COG8: variants seen among roughly 807,000 people sequenced by gnomAD.
COG8 encodes the protein component of oligomeric golgi complex 8, also known as conserved oligomeric Golgi complex subunit 8.
A neutral mutation model predicts 46.5 loss-of-function variants in COG8; 45 were observed. That is an observed-to-expected ratio of 0.97 (90% CI 0.76 to 1.24). COG8 has a LOEUF of 1.24. Ranked by LOEUF, COG8 falls within the 50% of genes most tolerant of loss-of-function variation. The pLI is 0.00. For synonymous variants in COG8, 407 were observed against 347.8 expected, an observed-to-expected ratio of 1.17 and a Z score of -1.90; for missense variants, 793 against 820.8, an observed-to-expected ratio of 0.97 and a Z score of 0.41.
At chr16:69,330,711 C>A in intron 5 of COG8, 102 bp downstream of exon 5, 1 of 1,408,980 alleles carries the variant, frequency 7.1e-7, no homozygotes, top group Non-Finnish European at 9.3e-7. Flanking sequence ...GCACCGCCCC[C>A]TTCCGCTCTC....
Position 69,328,595 on chromosome 16 carries a change from G to A in COG8, c.*611C>T, listed in dbSNP as rs1176114738. 2.2e-5 allele frequency: 4 copies of A among 180,552 alleles called. No individual in the cohort carries two copies. Among genetic ancestry groups the A allele is most frequent in the South Asian group, 1.1e-4 (1 of 9,356 alleles). The allele number at this position is 180,552 out of a possible 1,614,324, so 11.2% of individuals were successfully genotyped here. A position where few individuals can be genotyped will look rare whatever the true frequency, so the allele number is the denominator to read the frequency against. On this transcript the variant is annotated 3_prime_UTR_variant, in exon 6 of 6. Coordinates refer to ENST00000306875, the MANE Select transcript of COG8 (RefSeq NM_032382.5). ...TGGCGTCTAAGGCCACAAGCCCTCC[G>A]TAAAAATAAGAACTCGGCACAAATG...
At chr16:69,336,886 G>A (rs901840721) in intron 1 of COG8, among the ~76,000 whole-genome samples, 174 bp from the exon 2 acceptor site, 34 of 152,180 alleles carry the variant, frequency 2.2e-4, no homozygotes, top group Non-Finnish European at 2.9e-4. Context: ...TCCCAGAGAG[G>A]TTAAGCAACT....
rs1459641677 is a variant in COG8, at chr16:69,330,870, G to C, written c.1808C>G (p.Thr603Arg). The change falls in exon 5 of 6, where the codon ACG (threonine) becomes AGG (arginine). Residue 603 changes from threonine (T) to arginine (R), a missense_variant. By Grantham distance (71) the Thr-to-Arg change is moderately conservative. Coordinates refer to ENST00000306875, the MANE Select transcript of COG8 (RefSeq NM_032382.5). ...CCCCACGCTGGGCGGTTCGGCCTGC[G>C]TCTCCGCTCGCCCTCCCTCCGGGCA... is the stretch of plus-strand genomic sequence containing the variant. Reference protein sequence around the residue: ...PACPEGGRAETQAEPPSVGP With the variant: ...PACPEGGRAERQAEPPSVGP 5 of 1,544,890 alleles carry C rather than the reference G, an allele frequency of 3.2e-6. No individual in the cohort carries two copies. In the East Asian group the frequency reaches 9.8e-5, roughly 30 times the overall value.
chr16:69,329,316 C>T (rs897738620), intron 5 of COG8, 137 bp from the exon 6 acceptor site: 2 of 903,470 alleles, frequency 2.2e-6, no homozygotes, highest in African/African-American at 3.5e-5. Flanking sequence ...ACAGCAGCTC[C>T]TCTTCTAACT....
rs763879597 is a variant in COG8, at chr16:69,326,446, A to C, written c.*2760T>G. 2.0e-5 allele frequency: 3 copies of C among 152,152 alleles called. No homozygotes were observed. Among genetic ancestry groups the C allele is most frequent in the Non-Finnish European group, 4.4e-5 (3 of 68,028 alleles). 9.4% of individuals were successfully genotyped at this position (152,152 alleles called of 1,614,324 possible). ...ACTTTAGTGAGCTTACAAGTTTTTAAATTTTTACTTCTAGTTACATTTACT... is the reference window on the plus strand; with the variant it reads ...ACTTTAGTGAGCTTACAAGTTTTTACATTTTTACTTCTAGTTACATTTACT... On this transcript the variant is annotated 3_prime_UTR_variant, in exon 6 of 6. Transcript: ENST00000306875.
At position 69,339,500 on chromosome 16, in the gene COG8, A is replaced by G. The variant is rs1223755761; in HGVS notation, c.53T>C (p.Leu18Pro). 1.9e-6 allele frequency: 3 copies of G among 1,606,978 alleles called. No individual in the cohort carries two copies. The highest frequency in any genetic ancestry group is 1.7e-6 in the Non-Finnish European group (2 of 1,179,866). Residue 18 changes from leucine (L) to proline (P), a missense_variant, in exon 1 of 6, where the codon CTC becomes CCC. Transcript: ENST00000306875. ...GAGCCCTTCATCCTCCACCTCGCCG[A>G]GAGCCGCTGCTGTGGCCGTGGCTAC... ...PSVATATAAA[L>P]GEVEDEGLLA...
At position 69,326,489 on chromosome 16, in the gene COG8, T is replaced by C. The variant is rs893562822; in HGVS notation, c.*2717A>G. ...CATTTACTTGAATCAGAACGTTGTT[T>C]CCTCATTCCTACTGCTTAAACACCT... On this transcript the variant is annotated 3_prime_UTR_variant, in exon 6 of 6. Transcript: ENST00000306875. 1 of 152,242 alleles carries C rather than the reference T, an allele frequency of 6.6e-6. No individual in the cohort carries two copies. Among genetic ancestry groups the C allele is most frequent in the Non-Finnish European group, 1.5e-5 (1 of 68,036 alleles). 9.4% of individuals were successfully genotyped at this position (152,242 alleles called of 1,614,324 possible).
At position 69,332,577 on chromosome 16, in the gene COG8, A is replaced by ATC. The variant is rs147136928; in HGVS notation, c.1582+135_1582+136dup. 2.0e-3 allele frequency: 1,773 copies of ATC among 884,230 alleles called. 22 individuals are homozygous for ATC. In the African/African-American group the frequency reaches 0.022, roughly 11 times the overall value. The allele number at this position is 884,230 out of a possible 1,614,324, so 54.8% of individuals were successfully genotyped here. A position where few individuals can be genotyped will look rare whatever the true frequency, so the allele number is the denominator to read the frequency against. On this transcript the variant is annotated intron_variant, in intron 4 of 5. Transcript: ENST00000306875. ...GAATGACTACAAACGTGCATGAAGG[A>ATC]TCTTTTTGGAGTGATGGAAATATTC...
At position 69,334,742 on chromosome 16, in the gene COG8, T is replaced by A. The variant is rs1190115072; in HGVS notation, c.1192A>T (p.Met398Leu). Residue 398 changes from methionine (M) to leucine (L), a missense_variant, in exon 3 of 6, where the codon ATG becomes TTG. Met to Leu is a conservative substitution (Grantham distance 15, BLOSUM62 2). Transcript: ENST00000306875. ...EKFQEEMNSY[M>L]LISAPAILGT... is the part of the protein sequence containing the mutation. ...AGGATGGCTGGAGCCGAGATGAGCATGTAGGAGTTCATTTCTTCCTGGAAT... is the reference window on the plus strand; with the variant it reads ...AGGATGGCTGGAGCCGAGATGAGCAAGTAGGAGTTCATTTCTTCCTGGAAT... 1.2e-6 allele frequency: 2 copies of A among 1,614,008 alleles called. No homozygotes were observed. The highest frequency in any genetic ancestry group is 2.7e-5 in the African/African-American group (2 of 74,934).
In COG8 at chr16:69,327,183, T is replaced by TC. The variant is rs1965619674; in HGVS notation, c.*2022_*2023insG. The TC allele has an allele frequency of 6.8e-6, 1 of 147,554 alleles. No individual in the cohort carries two copies. The highest frequency in any genetic ancestry group is 6.8e-5 in the Admixed American group (1 of 14,778). The allele number at this position is 147,554 out of a possible 1,614,324, so 9.1% of individuals were successfully genotyped here. A position where few individuals can be genotyped will look rare whatever the true frequency, so the allele number is the denominator to read the frequency against. The stretch of plus-strand genomic sequence containing the variant: ...CCCTTTTTTTTTTTTTTTTTTTTTT[T>TC]TTGAGACAGAGCCTTGGTCTGTCGC... On this transcript the variant is annotated 3_prime_UTR_variant, in exon 6 of 6. Transcript: ENST00000306875.
chr16:69,334,555 T>A lies in COG8; in HGVS notation c.1379A>T (p.Asp460Val), dbSNP rs746165224. ...RLCCPVALAQ[D>V]VTGALEDALA... ...GGCATCTTCCAAGGCCCCAGTCACA[T>A]CCTGCGCCAGGGCCACAGGGCAGCA... is the stretch of plus-strand genomic sequence containing the variant. The change falls in exon 3 of 6, where the codon GAT becomes GTT. Residue 460 changes from aspartate (D) to valine (V), a missense_variant. Physicochemically the swap from Asp to Val is radical, Grantham distance 152. Coordinates refer to ENST00000306875, the MANE Select transcript of COG8 (RefSeq NM_032382.5). 4 of 1,614,172 alleles carry A rather than the reference T, an allele frequency of 2.5e-6. No homozygotes were observed. The South Asian group carries it at 4.4e-5, about 18-fold the overall frequency.
At chr16:69,330,754 G>C in intron 5 of COG8, 59 bp downstream of exon 5, 4 of 1,452,594 alleles carry the variant, frequency 2.8e-6, no homozygotes, top group Non-Finnish European at 3.6e-6. Flanking sequence ...TCCCGAACCC[G>C]CCCCGGACCT....
intron 5 of COG8, 83 bp downstream of exon 5, chr16:69,330,730 A>G: frequency 7.0e-7 from 1 of 1,422,090 alleles, no homozygotes; most frequent in Non-Finnish European, 9.2e-7. Flanking sequence ...TCCTCCCGGG[A>G]GCGCCTTCCC....
rs1318729279 is a variant in COG8, at chr16:69,326,500, A to C, written c.*2706T>G. On this transcript the variant is annotated 3_prime_UTR_variant, in exon 6 of 6. Transcript: ENST00000306875. ...ATCAGAACGTTGTTTCCTCATTCCT[A>C]CTGCTTAAACACCTTGACAAGTCCT... 6.6e-6 allele frequency: 1 copy of C among 152,242 alleles called. No homozygotes were observed. Among genetic ancestry groups the C allele is most frequent in the Admixed American group, 6.5e-5 (1 of 15,286 alleles). The allele number at this position is 152,242 out of a possible 1,614,324, so 9.4% of individuals were successfully genotyped here.
chr16:69,332,141 A>G (rs1330868838), intron 4 of COG8, among the ~76,000 whole-genome samples: 1 of 152,138 alleles, frequency 6.6e-6, no homozygotes, highest in Non-Finnish European at 1.5e-5. Flanking sequence ...ATCACAGGTC[A>G]AGAGATAGAG....
At chr16:69,329,346 G>A (rs990440566) in intron 5 of COG8, among the ~76,000 whole-genome samples, 167 bp from the exon 6 acceptor site, 3 of 152,152 alleles carry the variant, frequency 2.0e-5, no homozygotes, top group African/African-American at 7.2e-5. Flanking sequence ...CCCTCATCTC[G>A]GTCCATTACC....
rs2012404978 is a variant in COG8, at chr16:69,339,381, G to A, written c.172C>T (p.Leu58=). The A allele has an allele frequency of 2.5e-6, 4 of 1,582,836 alleles. No homozygotes were observed. Among genetic ancestry groups the A allele is most frequent in the Non-Finnish European group, 3.4e-6 (4 of 1,169,132 alleles). The part of the protein sequence containing the change: ...RYLRELSGSG[L]ERLRREPERL... ...TCGGGCTCGCGCCGCAGCCGCTCCA[G>A]CCCCGAGCCGCTCAACTCCCGGAGG... The change falls in exon 1 of 6, where the codon CTG becomes TTG. Residue 58 remains leucine (L), a synonymous_variant. Coordinates refer to ENST00000306875, the MANE Select transcript of COG8 (RefSeq NM_032382.5).
Position 69,334,510 on chromosome 16 carries a change from A to G in COG8, c.1413+11T>C. 7 of 1,612,602 alleles carry G rather than the reference A, an allele frequency of 4.3e-6. No individual in the cohort carries two copies. The highest frequency in any genetic ancestry group is 5.9e-6 in the Non-Finnish European group (7 of 1,178,784). ...GCCCAGGGTAGCAGAAAACCAACAGAATGTGCTCACCTTGGCAAGGGCATC... is the reference window on the plus strand; with the variant it reads ...GCCCAGGGTAGCAGAAAACCAACAGGATGTGCTCACCTTGGCAAGGGCATC... On this transcript the variant is annotated intron_variant, in intron 3 of 5. Transcript: ENST00000306875.
In COG8 at chr16:69,335,571, A is replaced by C. The variant is rs116548433; in HGVS notation, c.586-223T>G. 0.019 allele frequency among the ~76,000 whole-genome samples: 2,849 copies of C among 152,240 alleles called. 86 individuals carry two copies. The highest frequency in any genetic ancestry group is 0.064 in the African/African-American group (2,674 of 41,526). On this transcript the variant is annotated intron_variant, in intron 2 of 5. Coordinates refer to ENST00000306875, the MANE Select transcript of COG8 (RefSeq NM_032382.5). ...CCAGGTGCAGTGGCTCAAACCTGTA[A>C]TCCCAGCACCGTGGGCAGGCAGGTC...
Sources: gnomAD v4.1 joint callset for allele counts (sites outside exome capture counted in the v4.1 genomes callset) on GRCh38, gnomAD v4.1.1 for gene constraint, MANE v1.5 for transcripts, NCBI Gene and HGNC (gene_info 2026-07-23, HGNC 2026-07-21) for gene names.